Variants in NHEJ1 observed in about 807,000 individuals in gnomAD.
The protein encoded by NHEJ1 is non-homologous end-joining factor 1.
In NHEJ1, 22 loss-of-function variants were observed where a neutral mutation model predicts 39.4. The observed-to-expected ratio is 0.56, with a 90% CI of 0.40 to 0.80. The LOEUF is 0.80. Among genes scored for constraint, NHEJ1 ranks in the 30% least tolerant of loss-of-function variants. The pLI is 0.00. For missense variants in NHEJ1, 329 were observed against 357.1 expected (o/e 0.92, Z 0.63); for synonymous variants, 154 against 135.6 (o/e 1.14, Z -0.94).
chr2:219,100,893 C>T (rs1424071965), intron 5 of NHEJ1, among the ~76,000 whole-genome samples: 1 of 152,134 alleles, frequency 6.6e-6, no homozygotes, highest in Non-Finnish European at 1.5e-5. Context: ...TTTTTAAATA[C>T]TAATCAATGT....
intron 4 of NHEJ1, 95 bp from the exon 5 acceptor site, chr2:219,146,833 G>A: frequency 2.1e-6 from 2 of 961,584 alleles, no homozygotes; most frequent in Middle Eastern, 2.1e-4. Context: ...ACTTAGGAAA[G>A]AGGAGGAAGG....
chr2:219,158,298 G>T lies in NHEJ1; in HGVS notation c.65C>A (p.Ser22Tyr). The T allele has an allele frequency of 1.2e-6, 2 of 1,614,186 alleles. No individual in the cohort carries two copies. Among genetic ancestry groups the T allele is most frequent in the Non-Finnish European group, 8.5e-7 (1 of 1,180,034 alleles). The part of the protein sequence containing the change: ...PWAWLQLAEN[S>Y]LLAKVFITKQ... ...GGTGATAAAAACCTTGGCCAAGAGG[G>T]AGTTCTCTGCAAGCTGTAGCCACGC... Residue 22 changes from serine to tyrosine, a missense_variant, in exon 2 of 8, where the codon TCC (serine) becomes TAC (tyrosine). Coordinates refer to ENST00000356853, the MANE Select transcript of NHEJ1 (RefSeq NM_024782.3).
intron 5 of NHEJ1, among the ~76,000 whole-genome samples, chr2:219,105,094 A>G (rs1158312129): frequency 6.6e-6 from 1 of 152,158 alleles, no homozygotes; most frequent in African/African-American, 2.4e-5. Flanking sequence ...CTGGTTAAAC[A>G]CATCTTCTAG....
chr2:219,136,665 C>A (rs1329306795), intron 5 of NHEJ1, among the ~76,000 whole-genome samples: 2 of 152,118 alleles, frequency 1.3e-5, no homozygotes, highest in East Asian at 3.9e-4. Flanking sequence ...TGCAGTGGCA[C>A]AATCTCGGCT....
At chr2:219,110,697 C>G (rs1949358084) in intron 5 of NHEJ1, among the ~76,000 whole-genome samples, 1 of 151,486 alleles carries the variant, frequency 6.6e-6, no homozygotes, top group Non-Finnish European at 1.5e-5. Context: ...GAAAAAAGAC[C>G]TGAAGGAAGT....
At chr2:219,157,085 C>A (rs558660967) in intron 3 of NHEJ1, among the ~76,000 whole-genome samples, 4 of 152,318 alleles carry the variant, frequency 2.6e-5, no homozygotes, top group African/African-American at 9.6e-5. Context: ...AAGAGGTTTT[C>A]TCCAATCCTC....
intron 1 of NHEJ1, chr2:219,158,718 C>T: frequency 1.2e-5 from 4 of 326,684 alleles, no homozygotes; most frequent in South Asian, 1.2e-4. Flanking sequence ...CCATCTTTAT[C>T]ACATTCCTAA....
intron 5 of NHEJ1, among the ~76,000 whole-genome samples, chr2:219,142,223 A>C (rs958542441): frequency 6.6e-6 from 1 of 152,166 alleles, no homozygotes; most frequent in African/African-American, 2.4e-5. Context: ...AGAGAAGAGA[A>C]GAGAAGAGGA....
In NHEJ1 at chr2:219,146,889, G is replaced by A. The variant is rs147107532; in HGVS notation, c.530-151C>T. 6.3e-4 allele frequency: 424 copies of A among 669,468 alleles called. 2 individuals carry two copies. The highest frequency in any genetic ancestry group is 6.1e-3 in the African/African-American group (341 of 55,812). The allele number at this position is 669,468 out of a possible 1,614,324, so 41.5% of individuals were successfully genotyped here. A position where few individuals can be genotyped will look rare whatever the true frequency, so the allele number is the denominator to read the frequency against. ...AGTTCAGTGGGAGAAGAAGGGCTGAGAGCATGTGGGCAAAAAGTAGTGGGA... is the reference window on the plus strand; with the variant it reads ...AGTTCAGTGGGAGAAGAAGGGCTGAAAGCATGTGGGCAAAAAGTAGTGGGA... On this transcript the variant is annotated intron_variant, in intron 4 of 7. Coordinates refer to ENST00000356853, the MANE Select transcript of NHEJ1 (RefSeq NM_024782.3).
rs541803549 is a variant in NHEJ1 at position 219,078,195 on chromosome 2, C to T, written c.600G>A (p.Glu200=). The change falls in exon 6 of 8, where the codon GAG becomes GAA. Residue 200 remains glutamate, a synonymous_variant. Coordinates refer to ENST00000356853, the MANE Select transcript of NHEJ1 (RefSeq NM_024782.3). ...GCTTTCCATCACCAATGCTGCATGC[C>T]TCTGGCAGTTTCTGTAAGAGAGAGG... ...LEQFMIEKLP[E]ACSIGDGKPF... 4.5e-5 allele frequency: 73 copies of T among 1,613,888 alleles called. No individual in the cohort carries two copies. The highest frequency in any genetic ancestry group is 6.0e-5 in the Non-Finnish European group (71 of 1,179,908).
At chr2:219,084,007 C>CTTTTTTTTTT in intron 5 of NHEJ1, among the ~76,000 whole-genome samples, 1 of 133,308 alleles carries the variant, frequency 7.5e-6, no homozygotes, top group Non-Finnish European at 1.6e-5. Flanking sequence ...TCTTTCTTTG[C>CTTTTTTTTTT]TTTTTTTTTT....
chr2:219,135,709 G>C (rs1949621093), intron 5 of NHEJ1, among the ~76,000 whole-genome samples: 1 of 152,102 alleles, frequency 6.6e-6, no homozygotes, highest in Non-Finnish European at 1.5e-5. Flanking sequence ...AGTAAGTGTG[G>C]CTCATGCCTG....
At chr2:219,159,553 A>ATG (rs1949899643) in intron 1 of NHEJ1, among the ~76,000 whole-genome samples, 1 of 3,934 alleles carries the variant, frequency 2.5e-4, no homozygotes, top group South Asian at 0.029. Flanking sequence ...ATATATATGC[A>ATG]TATATATATG....
intron 5 of NHEJ1, among the ~76,000 whole-genome samples, chr2:219,134,687 A>T (rs1267157249): frequency 2.6e-5 from 4 of 152,130 alleles, no homozygotes; most frequent in African/African-American, 9.7e-5. Context: ...CTGAGCTTCA[A>T]CCCTAGTTTT....
At chr2:219,083,876 G>C (rs982032255) in intron 5 of NHEJ1, among the ~76,000 whole-genome samples, 1 of 152,016 alleles carries the variant, frequency 6.6e-6, no homozygotes, top group Non-Finnish European at 1.5e-5. Flanking sequence ...CCTGACTTAG[G>C]ATTTTTCTAT....
rs1319511681 is a variant in NHEJ1, at chr2:219,101,661, T to C, written c.589-23455A>G. Among the ~76,000 whole-genome samples the C allele has an allele frequency of 2.0e-5, 3 of 151,930 alleles. No homozygotes were observed. The South Asian group carries it at 6.2e-4, about 32-fold the overall frequency. ...CCGGGCCTCAAGTGATCTTCCTGCC[T>C]CGGCCTCCCAAAGTGCTGGGATTAC... On this transcript the variant is annotated intron_variant, in intron 5 of 7. Transcript: ENST00000356853.
At position 219,076,224 on chromosome 2, in the gene NHEJ1, G is replaced by A. The variant is rs79018048; in HGVS notation, c.*157C>T. ...CTTGAACAGGGAAGGCCAATTCCCT[G>A]TGGGCCTGTCAACATCAACTTCAGT... On this transcript the variant is annotated 3_prime_UTR_variant, in exon 8 of 8. Transcript: ENST00000356853. The A allele has an allele frequency of 3.7e-3, 5,566 of 1,508,130 alleles. 191 individuals carry two copies. The African/African-American group carries it at 0.067, about 18-fold the overall frequency. 93.4% of individuals were successfully genotyped at this position (1,508,130 alleles called of 1,614,324 possible).
chr2:219,148,577 CA>C (rs1222205194), intron 3 of NHEJ1, among the ~76,000 whole-genome samples: 2 of 152,016 alleles, frequency 1.3e-5, no homozygotes, highest in Non-Finnish European at 2.9e-5. Context: ...AAGAAGAAAA[CA>C]AACAAACAAA....
intron 5 of NHEJ1, among the ~76,000 whole-genome samples, chr2:219,142,954 C>G (rs1243310538): frequency 6.6e-6 from 1 of 152,168 alleles, no homozygotes; most frequent in Non-Finnish European, 1.5e-5. Flanking sequence ...ACAAAAGGAC[C>G]AAATAGGGAG....
Sources: allele counts gnomAD v4.1 joint callset (sites outside exome capture counted in the v4.1 genomes callset), GRCh38; gene constraint gnomAD v4.1.1; transcripts MANE v1.5; gene names NCBI Gene and HGNC (gene_info 2026-07-23, HGNC 2026-07-21).